UBE3A: variants seen among roughly 807,000 people sequenced by gnomAD.
UBE3A encodes ubiquitin protein ligase E3A, also known as ubiquitin-protein ligase E3A.
In UBE3A, 6 loss-of-function variants were observed where a neutral mutation model predicts 83.4. The observed-to-expected ratio is 0.07, with a 90% confidence interval of 0.04 to 0.14. The LOEUF is 0.14. Ranked by LOEUF, UBE3A falls within the 10% of genes least tolerant of loss-of-function variation. The pLI, the probability that UBE3A is intolerant of heterozygous loss-of-function variation, is 1.00. For missense variants in UBE3A, 456 were observed against 1,036.1 expected, an observed-to-expected ratio of 0.44 and a Z score of 7.69; for synonymous variants, 337 against 355.4, an observed-to-expected ratio of 0.95 and a Z score of 0.58.
intron 4 of UBE3A, among the ~76,000 whole-genome samples, chr15:25,388,009 TTC>T (rs2083490625): frequency 6.6e-6 from 1 of 152,192 alleles, no homozygotes; most frequent in African/African-American, 2.4e-5. Context: ...CCCAGATGGA[TTC>T]TCTGATGAAT....
At chr15:25,353,515 G>A (rs1555389088) in intron 11 of UBE3A, among the ~76,000 whole-genome samples, 1 of 151,814 alleles carries the variant, frequency 6.6e-6, no homozygotes, top group Non-Finnish European at 1.5e-5. Context: ...TCTTAGTTGA[G>A]AAAAAAAATC....
At chr15:25,434,969 T>TATACACACAC (rs1167502949) in intron 1 of UBE3A, among the ~76,000 whole-genome samples, 19 of 143,000 alleles carry the variant, frequency 1.3e-4, no homozygotes, top group South Asian at 2.3e-4. Context: ...TCTATATACA[T>TATACACACAC]ACACACACAC....
chr15:25,422,426 T>C (rs1055931157), intron 1 of UBE3A, among the ~76,000 whole-genome samples: 3 of 152,168 alleles, frequency 2.0e-5, no homozygotes, highest in Non-Finnish European at 2.9e-5. Flanking sequence ...TATACATCAA[T>C]AAACTTGATT....
chr15:25,354,182 A>G (rs1457942206), intron 11 of UBE3A, 171 bp downstream of exon 11: 1 of 657,472 alleles, frequency 1.5e-6, no homozygotes, highest in Non-Finnish European at 2.7e-6. Context: ...AATAAATCAC[A>G]AGATTAGCTC....
intron 7 of UBE3A, 75 bp from the exon 8 acceptor site, chr15:25,356,971 T>G: frequency 1.6e-6 from 2 of 1,238,282 alleles, no homozygotes; most frequent in Non-Finnish European, 2.3e-6. Context: ...AAATATAAAC[T>G]TAAAATAATT....
Position 25,356,568 on chromosome 15 carries a change from A to G in UBE3A, c.1959+123T>C. On this transcript the variant is annotated intron_variant, in intron 8 of 12. Transcript: ENST00000648336. ...ACTTCGGTCAGATTAAAACATTTTT[A>G]TCTTATTGATAAGAGTATCAACAAA... 3 of 967,568 alleles carry G rather than the reference A, an allele frequency of 3.1e-6. No individual in the cohort carries two copies. The South Asian group carries it at 4.6e-5, about 15-fold the overall frequency. 59.9% of individuals were successfully genotyped at this position (967,568 alleles called of 1,614,324 possible).
At chr15:25,390,458 G>A (rs2084086901) in intron 4 of UBE3A, among the ~76,000 whole-genome samples, 1 of 152,282 alleles carries the variant, frequency 6.6e-6, no homozygotes, top group African/African-American at 2.4e-5. Context: ...TGGAAAAAGA[G>A]AGGTACTAAC....
At chr15:25,398,820 T>TATATATATATATAC (rs2086379411) in intron 4 of UBE3A, among the ~76,000 whole-genome samples, 1 of 127,150 alleles carries the variant, frequency 7.9e-6, no homozygotes, top group Non-Finnish European at 1.7e-5. Context: ...TATATAAAAA[T>TATATATATATATAC]ACATATATAT....
At chr15:25,345,452 A>G (rs1421698049) in intron 11 of UBE3A, among the ~76,000 whole-genome samples, 1 of 152,110 alleles carries the variant, frequency 6.6e-6, no homozygotes, top group Non-Finnish European at 1.5e-5. Context: ...AGAAAGCACA[A>G]GGGCATATTT....
intron 11 of UBE3A, chr15:25,347,100 G>C: frequency 6.6e-6 from 1 of 152,176 alleles, no homozygotes; most frequent in East Asian, 1.9e-4. Flanking sequence ...AACTGCCTTT[G>C]AAGACTGGCT....
intron 1 of UBE3A, among the ~76,000 whole-genome samples, chr15:25,434,048 C>A (rs1270450543): frequency 4.0e-5 from 6 of 151,888 alleles, no homozygotes; most frequent in South Asian, 2.1e-4. Context: ...GGCAACACAG[C>A]GAGACCCTGT....
At chr15:25,392,640 G>A (rs1037533036) in intron 4 of UBE3A, among the ~76,000 whole-genome samples, 1 of 152,160 alleles carries the variant, frequency 6.6e-6, no homozygotes, top group African/African-American at 2.4e-5. Context: ...CAACTTAGGA[G>A]AGGTGAATCA....
intron 7 of UBE3A, 49 bp from the exon 8 acceptor site, chr15:25,356,945 G>A (rs970578920): frequency 2.1e-6 from 3 of 1,444,854 alleles, no homozygotes; most frequent in Non-Finnish European, 1.9e-6. Context: ...TTTTATTAAG[G>A]ACTGATGAAT....
intron 6 of UBE3A, among the ~76,000 whole-genome samples, chr15:25,361,913 A>G (rs865785424): frequency 6.6e-6 from 1 of 152,230 alleles, no homozygotes; most frequent in African/African-American, 2.4e-5. Flanking sequence ...ACTCATTTGG[A>G]CAATCTAGTC....
intron 1 of UBE3A, among the ~76,000 whole-genome samples, chr15:25,431,635 G>A (rs911399915): frequency 1.3e-5 from 2 of 151,988 alleles, no homozygotes; most frequent in Non-Finnish European, 2.9e-5. Flanking sequence ...GAGCCAAGGC[G>A]CCCAGCCTAA....
intron 1 of UBE3A, among the ~76,000 whole-genome samples, chr15:25,421,114 G>A (rs1425783074): frequency 6.6e-6 from 1 of 152,184 alleles, no homozygotes; most frequent in Non-Finnish European, 1.5e-5. Context: ...GAGGTAACTG[G>A]GTCATGGGAG....
Position 25,372,737 on chromosome 15 carries a change from C to T in UBE3A, c.362-925G>A, listed in dbSNP as rs940298476. On this transcript the variant is annotated intron_variant, in intron 5 of 12. Transcript: ENST00000648336. ...CATAATACTGAGAATAGTCTTAATT[C>T]TCCCTTTTATCAATAAAGTGACATA... is the stretch of plus-strand genomic sequence containing the variant. 4.6e-5 allele frequency among the ~76,000 whole-genome samples: 7 copies of T among 152,078 alleles called. No homozygotes were observed. In the South Asian group the frequency reaches 1.5e-3, roughly 32 times the overall value.
intron 1 of UBE3A, among the ~76,000 whole-genome samples, chr15:25,434,969 T>TACACACACACACAC: frequency 7.0e-6 from 1 of 143,000 alleles, no homozygotes; most frequent in African/African-American, 2.6e-5. Flanking sequence ...TCTATATACA[T>TACACACACACACAC]ACACACACAC....
In UBE3A at chr15:25,431,587, T is replaced by C. The variant is rs1893464123; in HGVS notation, c.-165+6902A>G. On this transcript the variant is annotated intron_variant, in intron 1 of 12. Transcript: ENST00000648336. ...CGAACTCCTGACCTCAGGTGATCCG[T>C]GTGCCTCGGCCTCCCAAAGTGCTGG... 2.0e-5 allele frequency among the ~76,000 whole-genome samples: 3 copies of C among 152,032 alleles called. No homozygotes were observed. The South Asian group carries it at 6.2e-4, about 32-fold the overall frequency.
Sources: gnomAD v4.1 joint callset for allele counts (sites outside exome capture counted in the v4.1 genomes callset) on GRCh38, gnomAD v4.1.1 for gene constraint, MANE v1.5 for transcripts, NCBI Gene and HGNC (gene_info 2026-07-23, HGNC 2026-07-21) for gene names.